NEK4: variants seen among roughly 807,000 people sequenced by gnomAD.
NEK4 encodes the protein NIMA related kinase 4, also known as serine/threonine-protein kinase Nek4.
NEK4 carries 86 observed loss-of-function variants against 98.4 expected under a neutral mutation model. The observed-to-expected ratio is 0.87, with a 90% confidence interval of 0.73 to 1.05. NEK4 has a LOEUF of 1.05. Ranked by LOEUF, NEK4 falls within the 50% of genes least tolerant of loss-of-function variation. The pLI, the probability that NEK4 is intolerant of heterozygous loss-of-function variation, is 0.00. For synonymous variants in NEK4, 328 were observed against 342.2 expected, an observed-to-expected ratio of 0.96 and a Z score of 0.46; for missense variants, 898 against 950.3, an observed-to-expected ratio of 0.94 and a Z score of 0.72.
chr3:52,765,791 C>T (rs929345042), intron 4 of NEK4, 96 bp downstream of exon 4: 1 of 754,064 alleles, frequency 1.3e-6, no homozygotes, highest in Non-Finnish European at 2.3e-6. Context: ...AATAATTACT[C>T]ATTGACTCAT....
chr3:52,751,029 G>C (rs775285343), intron 7 of NEK4, among the ~76,000 whole-genome samples: 5 of 152,122 alleles, frequency 3.3e-5, no homozygotes, highest in Non-Finnish European at 7.3e-5. Flanking sequence ...AAAGAAGGCA[G>C]GCCAGGCCCA....
chr3:52,744,027 T>C (rs2097391191), intron 11 of NEK4, among the ~76,000 whole-genome samples: 1 of 152,126 alleles, frequency 6.6e-6, no homozygotes, highest in Non-Finnish European at 1.5e-5. Context: ...TTCTTTAATA[T>C]CCCCCTCCTC....
rs2097347270 is a variant in NEK4, at chr3:52,708,684, C to T, written c.*3093G>A. ...AATAGACAAGTGATTTTGTATTTAA[C>T]ATTTCACCTTTATTGAATGCCTATA... is the stretch of plus-strand genomic sequence containing the variant. On this transcript the variant is annotated 3_prime_UTR_variant, in exon 16 of 16. Coordinates refer to ENST00000233027, the MANE Select transcript of NEK4 (RefSeq NM_003157.6). The T allele has an allele frequency of 1.3e-5, 2 of 151,966 alleles. No individual in the cohort carries two copies. The highest frequency in any genetic ancestry group is 4.8e-5 in the African/African-American group (2 of 41,380). The allele number at this position is 151,966 out of a possible 1,614,324, so 9.4% of individuals were successfully genotyped here.
chr3:52,732,553 C>T (rs940296712), intron 15 of NEK4: 13 of 256,920 alleles, frequency 5.1e-5, no homozygotes, highest in African/African-American at 2.5e-4. Context: ...GAGAAAGAAG[C>T]GGAAAGAAAA....
chr3:52,748,825 G>A (rs192364736), intron 8 of NEK4, among the ~76,000 whole-genome samples: 27 of 152,240 alleles, frequency 1.8e-4, no homozygotes, highest in Admixed American at 1.5e-3. Context: ...GCTCACACCC[G>A]TAATCACAGC....
chr3:52,763,461 G>C lies in NEK4; in HGVS notation c.821+9C>G, dbSNP rs1698431502. ...TTTAGCCCAGCTATTTGCAAGGGAA[G>C]TATCTTACATCTTTGTGGCCTCCAA... is the stretch of plus-strand genomic sequence containing the variant. On this transcript the variant is annotated intron_variant, in intron 5 of 15. Transcript: ENST00000233027. 1 of 1,608,556 alleles carries C rather than the reference G, an allele frequency of 6.2e-7. No individual in the cohort carries two copies. The highest frequency in any genetic ancestry group is 8.5e-7 in the Non-Finnish European group (1 of 1,177,130).
chr3:52,712,033 G>A (rs549268018), intron 15 of NEK4, among the ~76,000 whole-genome samples, 164 bp from the exon 16 acceptor site: 32 of 152,258 alleles, frequency 2.1e-4, no homozygotes, highest in Admixed American at 7.2e-4. Flanking sequence ...AAGATGTTTC[G>A]AAAAGTCGTA....
At chr3:52,736,260 T>C (rs2097375688) in intron 15 of NEK4, among the ~76,000 whole-genome samples, 2 of 152,146 alleles carry the variant, frequency 1.3e-5, no homozygotes, top group South Asian at 2.1e-4. Context: ...TAAAAATCCA[T>C]TGATCTTTCA....
chr3:52,743,520 C>G (rs1330647786), intron 11 of NEK4, 59 bp from the exon 12 acceptor site: 1 of 1,342,354 alleles, frequency 7.4e-7, no homozygotes, highest in East Asian at 2.3e-5. Context: ...TTGAAAAGGG[C>G]TTTGTATTTG....
At chr3:52,714,005 C>G (rs541297550) in intron 15 of NEK4, among the ~76,000 whole-genome samples, 1 of 152,144 alleles carries the variant, frequency 6.6e-6, no homozygotes. Flanking sequence ...AAGGCCAAAG[C>G]GGGCTGATCC....
intron 15 of NEK4, among the ~76,000 whole-genome samples, chr3:52,722,236 CT>C (rs555548958): frequency 4.3e-4 from 65 of 152,258 alleles, no homozygotes; most frequent in African/African-American, 1.5e-3. Flanking sequence ...CAATAAAATT[CT>C]TCTCCACCCT....
In NEK4 at chr3:52,763,477, T is replaced by C. The variant is rs1245805119; in HGVS notation, c.814A>G (p.Thr272Ala). Reference protein sequence around the residue: ...KRQISFFLEATKIKTSKNNIK... With the variant: ...KRQISFFLEAAKIKTSKNNIK... ...GCAAGGGAAGTATCTTACATCTTTG[T>C]GGCCTCCAAAAAGAAGGAGATTTGC... Residue 272 changes from threonine (T) to alanine (A), a missense_variant, in exon 5 of 16, where the codon ACA becomes GCA. Physicochemically the swap from Thr to Ala is moderately conservative, Grantham distance 58. Coordinates refer to ENST00000233027, the MANE Select transcript of NEK4 (RefSeq NM_003157.6). 3 of 1,613,120 alleles carry C rather than the reference T, an allele frequency of 1.9e-6. No homozygotes were observed. Among genetic ancestry groups the C allele is most frequent in the Admixed American group, 3.3e-5 (2 of 59,772 alleles).
At chr3:52,759,449 T>A (rs1275137488) in intron 6 of NEK4, among the ~76,000 whole-genome samples, 1 of 150,874 alleles carries the variant, frequency 6.6e-6, no homozygotes, top group Non-Finnish European at 1.5e-5. Flanking sequence ...AAAGAAGACA[T>A]ACAAATGGCC....
Position 52,749,701 on chromosome 3 carries a change from G to A in NEK4, c.1497C>T (p.His499=), listed in dbSNP as rs1339383226. Residue 499 remains histidine (H), a synonymous_variant, in exon 8 of 16, where the codon CAC becomes CAT. Transcript: ENST00000233027. Reference sequence around the variant, plus strand: ...AAACTGCAAAAATTACCTGGGCGTGGTGGCACACGCCTGTAATCCCAGCTA... The same window carrying A: ...AAACTGCAAAAATTACCTGGGCGTGATGGCACACGCCTGTAATCCCAGCTA... ...SRVAGITGVC[H]HAQDQVAGEC... 3.9e-6 allele frequency: 1 copy of A among 256,950 alleles called. No homozygotes were observed. The highest frequency in any genetic ancestry group is 3.4e-5 in the South Asian group (1 of 29,454). The allele number at this position is 256,950 out of a possible 1,614,324, so 15.9% of individuals were successfully genotyped here. A position where few individuals can be genotyped will look rare whatever the true frequency, so the allele number is the denominator to read the frequency against.
At chr3:52,732,594 C>T in intron 15 of NEK4, 1 of 300,026 alleles carries the variant, frequency 3.3e-6, no homozygotes, top group Non-Finnish European at 6.8e-6. Flanking sequence ...CTCAGCGTCA[C>T]TTGACATTCA....
intron 15 of NEK4, among the ~76,000 whole-genome samples, chr3:52,736,810 C>A (rs2097376726): frequency 6.6e-6 from 1 of 151,950 alleles, no homozygotes; most frequent in Non-Finnish European, 1.5e-5. Context: ...AATGAAATTT[C>A]ATTTAAAAAA....
chr3:52,757,653 G>A (rs1383952984), intron 6 of NEK4, among the ~76,000 whole-genome samples: 1 of 152,038 alleles, frequency 6.6e-6, no homozygotes, highest in East Asian at 1.9e-4. Flanking sequence ...AAAAAAGGTG[G>A]AAACAACACA....
In NEK4 at chr3:52,711,868, A is replaced by C; in HGVS notation, c.2435T>G (p.Val812Gly). The change falls in exon 16 of 16, where the codon GTA becomes GGA. Residue 812 changes from valine to glycine, a missense_variant and splice_region_variant. By Grantham distance (109) the Val-to-Gly change is moderately radical. Coordinates refer to ENST00000233027, the MANE Select transcript of NEK4 (RefSeq NM_003157.6). ...TTCACCCATGTGCTCCCGCAAACGT[A>C]CCTATTTGAGAAACAAAAAGAAAAT... is the stretch of plus-strand genomic sequence containing the variant. ...LEEEDEFDREVRLREHMGEKY... is the reference protein window; with the variant it reads ...LEEEDEFDREGRLREHMGEKY... The C allele has an allele frequency of 1.3e-6, 2 of 1,580,424 alleles. No homozygotes were observed. The highest frequency in any genetic ancestry group is 1.7e-6 in the Non-Finnish European group (2 of 1,152,504).
intron 15 of NEK4, among the ~76,000 whole-genome samples, chr3:52,713,147 G>GT (rs1274290651): frequency 4.6e-5 from 7 of 152,294 alleles, no homozygotes; most frequent in African/African-American, 1.7e-4. Flanking sequence ...GACATTCAAT[G>GT]TATGCTTGTG....
Sources: allele counts gnomAD v4.1 joint callset (sites outside exome capture counted in the v4.1 genomes callset), GRCh38; gene constraint gnomAD v4.1.1; transcripts MANE v1.5; gene names NCBI Gene and HGNC (gene_info 2026-07-23, HGNC 2026-07-21).